Variants in ENTPD7 observed in about 807,000 individuals in gnomAD.
ENTPD7 encodes ectonucleoside triphosphate diphosphohydrolase 7, also known as NTPDase 7.
A neutral mutation model predicts 77.9 loss-of-function variants in ENTPD7; 53 were observed. The ratio of observed to expected loss-of-function variants is 0.68; its 90% CI spans 0.55 to 0.85. The LOEUF is 0.85. Among genes scored for constraint, ENTPD7 ranks in the 40% least tolerant of loss-of-function variants. The pLI is 0.00. For missense variants in ENTPD7, 636 were observed against 743.7 expected (o/e 0.86, Z 1.68); for synonymous variants, 248 against 274.9 (o/e 0.90, Z 0.97).
In ENTPD7 at chr10:99,702,514, A is replaced by G; in HGVS notation, c.1424A>G (p.Tyr475Cys). The part of the protein sequence containing the change: ...SSHADEHRLK[Y>C]QCFKSAWMYQ... ...ATTTAATTATTTTTGTCACACAGAT[A>G]TCAGTGTTTTAAATCGGCTTGGATG... is the stretch of plus-strand genomic sequence containing the variant. The change falls in exon 12 of 13, where the codon TAT becomes TGT. Residue 475 changes from tyrosine (Y) to cysteine (C), a missense_variant and splice_region_variant. Transcript: ENST00000370489. 6.4e-7 allele frequency: 1 copy of G among 1,564,010 alleles called. No individual in the cohort carries two copies. The highest frequency in any genetic ancestry group is 2.3e-5 in the East Asian group (1 of 42,860).
In ENTPD7 at chr10:99,668,558, A is replaced by C. The variant is rs17642803; in HGVS notation, c.191+6930A>C. On this transcript the variant is annotated intron_variant, in intron 3 of 12. Coordinates refer to ENST00000370489, the MANE Select transcript of ENTPD7 (RefSeq NM_020354.5). The stretch of plus-strand genomic sequence containing the variant: ...GCTGTCTTTTAGTCTTGTCATTTGC[A>C]TAAGAAGAGTAGAGCATCTAGGAAT... 6.1e-3 allele frequency among the ~76,000 whole-genome samples: 930 copies of C among 152,320 alleles called. 5 individuals carry two copies. The highest frequency in any genetic ancestry group is 1.0e-2 in the Non-Finnish European group (678 of 68,044).
rs2036289580 is a variant in ENTPD7 at position 99,708,207 on chromosome 10, A to T, written c.*3524A>T. Among the ~76,000 whole-genome samples the T allele has an allele frequency of 6.6e-6, 1 of 152,156 alleles. No homozygotes were observed. The highest frequency in any genetic ancestry group is 2.1e-4 in the South Asian group (1 of 4,814). ...GAGATTCCTTTAACTTCAAGATCAT[A>T]TCCAGTGATTGCTGAAAAATGTCTG... On this transcript the variant is annotated 3_prime_UTR_variant, in exon 13 of 13. Transcript: ENST00000370489.
At chr10:99,663,953 AT>A (rs1232648586) in intron 3 of ENTPD7, among the ~76,000 whole-genome samples, 1 of 151,038 alleles carries the variant, frequency 6.6e-6, no homozygotes, top group Non-Finnish European at 1.5e-5. Flanking sequence ...ACTGATGTTC[AT>A]TTTTTTTCCA....
At position 99,707,969 on chromosome 10, in the gene ENTPD7, A is replaced by G. The variant is rs886480115; in HGVS notation, c.*3286A>G. ...GTTTGTTACATGAGTATATTGAGTGATGCTGAGGTTTGGGGTACAGATCCC... is the reference window on the plus strand; with the variant it reads ...GTTTGTTACATGAGTATATTGAGTGGTGCTGAGGTTTGGGGTACAGATCCC... On this transcript the variant is annotated 3_prime_UTR_variant, in exon 13 of 13. Transcript: ENST00000370489. Among the ~76,000 whole-genome samples the G allele has an allele frequency of 2.6e-5, 4 of 152,192 alleles. No individual in the cohort carries two copies. Among genetic ancestry groups the G allele is most frequent in the African/African-American group, 9.6e-5 (4 of 41,452 alleles).
Position 99,705,179 on chromosome 10 carries a change from T to G in ENTPD7, c.*496T>G, listed in dbSNP as rs1311094001. 1.2e-5 allele frequency: 2 copies of G among 160,840 alleles called. No individual in the cohort carries two copies. The highest frequency in any genetic ancestry group is 2.8e-5 in the Non-Finnish European group (2 of 72,170). 10.0% of individuals were successfully genotyped at this position (160,840 alleles called of 1,614,324 possible). On this transcript the variant is annotated 3_prime_UTR_variant, in exon 13 of 13. Coordinates refer to ENST00000370489, the MANE Select transcript of ENTPD7 (RefSeq NM_020354.5). ...TAACAGGGATCCAAGATCTTTGCAG[T>G]TCAATCGACCACATAGGAATTTCCA...
intron 6 of ENTPD7, among the ~76,000 whole-genome samples, chr10:99,687,819 C>A (rs1236612519): frequency 1.3e-5 from 2 of 152,160 alleles, no homozygotes; most frequent in Non-Finnish European, 1.5e-5. Context: ...TCATGATCCT[C>A]CTGTCAGAAT....
intron 10 of ENTPD7, among the ~76,000 whole-genome samples, chr10:99,700,345 C>T (rs768151687): frequency 2.6e-5 from 4 of 151,898 alleles, no homozygotes; most frequent in Admixed American, 6.6e-5. Flanking sequence ...TTACCTGTTG[C>T]CCTTTCCTGC....
Position 99,711,116 on chromosome 10 carries a change from G to A in ENTPD7, c.*6433G>A. 1.0e-6 allele frequency: 1 copy of A among 984,318 alleles called. No individual in the cohort carries two copies. The highest frequency in any genetic ancestry group is 1.2e-6 in the Non-Finnish European group (1 of 829,376). The allele number at this position is 984,318 out of a possible 1,614,324, so 61.0% of individuals were successfully genotyped here. ...AACATAAATACAAAAAAAACCCTAA[G>A]ATAATCATTCACCAGAAGCTCATAG... On this transcript the variant is annotated 3_prime_UTR_variant, in exon 13 of 13. Transcript: ENST00000370489.
At position 99,663,917 on chromosome 10, in the gene ENTPD7, AACT is replaced by A. The variant is rs1281252850; in HGVS notation, c.191+2291_191+2293del. On this transcript the variant is annotated intron_variant, in intron 3 of 12. Transcript: ENST00000370489. ...GGGGACTCCAGTAACATGTATATTG[AACT>A]ATGTGATGTTTTCCCACAGCTCACT... 2.0e-5 allele frequency among the ~76,000 whole-genome samples: 3 copies of A among 152,128 alleles called. No homozygotes were observed. In the South Asian group the frequency reaches 6.2e-4, roughly 32 times the overall value.
rs1590032577 is a variant in ENTPD7, at chr10:99,659,892, G to A, written c.-65G>A. ...AGACGTAGGAGATGCCTGGGACAAG[G>A]AGGCCACCTTCTCAGGGCAAAAGAA... On this transcript the variant is annotated 5_prime_UTR_variant, in exon 2 of 13. Coordinates refer to ENST00000370489, the MANE Select transcript of ENTPD7 (RefSeq NM_020354.5). The surrounding 1 kb of genome is among the most constrained non-coding windows in gnomAD (Gnocchi z 4.1). 1.2e-6 allele frequency: 2 copies of A among 1,612,338 alleles called. No homozygotes were observed. Among genetic ancestry groups the A allele is most frequent in the East Asian group, 4.5e-5 (2 of 44,846 alleles).
rs2036318791 is a variant in ENTPD7, at chr10:99,709,537, C to T, written c.*4854C>T. 1.0e-6 allele frequency: 1 copy of T among 982,378 alleles called. No homozygotes were observed. Among genetic ancestry groups the T allele is most frequent in the African/African-American group, 1.7e-5 (1 of 57,148 alleles). The allele number at this position is 982,378 out of a possible 1,614,324, so 60.9% of individuals were successfully genotyped here. ...GATTAATAATAACAGGATTATTAGT[C>T]AATAATATTTTGATTAATACTATAG... On this transcript the variant is annotated 3_prime_UTR_variant, in exon 13 of 13. Transcript: ENST00000370489.
chr10:99,680,131 A>G (rs2035734929), intron 5 of ENTPD7, among the ~76,000 whole-genome samples: 1 of 152,164 alleles, frequency 6.6e-6, no homozygotes, highest in South Asian at 2.1e-4. Flanking sequence ...GCACATAGAG[A>G]ACATAATTAC....
chr10:99,702,647 A>G lies in ENTPD7; in HGVS notation c.1557A>G (p.Leu519=), dbSNP rs541497699. 3 of 1,612,674 alleles carry G rather than the reference A, an allele frequency of 1.9e-6. No homozygotes were observed. The highest frequency in any genetic ancestry group is 2.2e-5 in the East Asian group (1 of 44,836). Residue 519 remains leucine (L), a synonymous_variant, in exon 12 of 13, where the codon CTA becomes CTG. Transcript: ENST00000370489. ...TTCAGTGGACGCTGGGAGCCATTCT[A>G]TATAAAACACGATTCTTACCACTCA... ...REVQWTLGAI[L]YKTRFLPLRD...
At chr10:99,668,214 C>A (rs779347444) in intron 3 of ENTPD7, among the ~76,000 whole-genome samples, 1 of 151,990 alleles carries the variant, frequency 6.6e-6, no homozygotes, top group Non-Finnish European at 1.5e-5. Flanking sequence ...GGATTACAGG[C>A]GTGAGCCACC....
At position 99,698,839 on chromosome 10, in the gene ENTPD7, C is replaced by G; in HGVS notation, c.1316C>G (p.Thr439Arg). The G allele has an allele frequency of 6.2e-7, 1 of 1,604,398 alleles. No individual in the cohort carries two copies. Among genetic ancestry groups the G allele is most frequent in the South Asian group, 1.1e-5 (1 of 89,940 alleles). Residue 439 changes from threonine to arginine, a missense_variant, in exon 10 of 13, where the codon ACA (threonine) becomes AGA (arginine). Physicochemically the swap from Thr to Arg is moderately conservative, Grantham distance 71 (BLOSUM62 -1). Transcript: ENST00000370489. ...LRIGGRYHGPTFAKAAQDYCG... is the reference protein window; with the variant it reads ...LRIGGRYHGPRFAKAAQDYCG... Reference sequence around the variant, plus strand: ...ATTGGTGGCCGCTACCATGGGCCAACATTTGCCAAGGCTGCTCAGGTAAAT... The same window carrying G: ...ATTGGTGGCCGCTACCATGGGCCAAGATTTGCCAAGGCTGCTCAGGTAAAT...
intron 8 of ENTPD7, 59 bp from the exon 9 acceptor site, chr10:99,695,897 A>C (rs1299516586): frequency 1.3e-6 from 2 of 1,533,944 alleles, no homozygotes; most frequent in East Asian, 4.6e-5. Flanking sequence ...GCAATGTCAT[A>C]GCTTTCTAGA....
intron 3 of ENTPD7, among the ~76,000 whole-genome samples, chr10:99,673,116 T>C (rs1162780482): frequency 6.6e-6 from 1 of 152,128 alleles, no homozygotes; most frequent in Non-Finnish European, 1.5e-5. Context: ...TGTGTGGGTA[T>C]GGTATTGGGG....
chr10:99,693,202 C>T (rs191004938), intron 8 of ENTPD7, among the ~76,000 whole-genome samples: 1 of 152,166 alleles, frequency 6.6e-6, no homozygotes, highest in Non-Finnish European at 1.5e-5. Flanking sequence ...TGATATTAAG[C>T]AAACAGTATT....
rs2035727987 is a variant in ENTPD7, at chr10:99,679,708, G to C, written c.398-17G>C. ...TTTTTAAAGAAAGTTTTGTCTGTTT[G>C]TTTGTTTTAACTTAAGGAATCTCTG... On this transcript the variant is annotated splice_polypyrimidine_tract_variant and intron_variant, in intron 4 of 12. Coordinates refer to ENST00000370489, the MANE Select transcript of ENTPD7 (RefSeq NM_020354.5). 2.5e-6 allele frequency: 4 copies of C among 1,599,060 alleles called. No individual in the cohort carries two copies. The East Asian group carries it at 8.9e-5, about 36-fold the overall frequency.
Sources: gnomAD v4.1 joint callset for allele counts (sites outside exome capture counted in the v4.1 genomes callset) on GRCh38, gnomAD v4.1.1 for gene constraint, Gnocchi (gnomAD v3.1) non-coding constraint, MANE v1.5 for transcripts, NCBI Gene and HGNC (gene_info 2026-07-23, HGNC 2026-07-21) for gene names.